The following FMNL2 variants were observed in gnomAD, a reference collection of about 807,000 sequenced individuals.
FMNL2 encodes formin like 2, also known as formin-like protein 2.
A neutral mutation model predicts 130.2 loss-of-function variants in FMNL2; 51 were observed. That is an observed-to-expected ratio of 0.39 (90% CI 0.31 to 0.49). The LOEUF is 0.49. Among genes scored for constraint, FMNL2 ranks in the 20% least tolerant of loss-of-function variants. FMNL2 has a pLI of 0.85. For missense variants in FMNL2, 977 were observed against 1,316.2 expected, an observed-to-expected ratio of 0.74 and a Z score of 3.99; for synonymous variants, 465 against 467.1, an observed-to-expected ratio of 1.00 and a Z score of 0.06.
intron 2 of FMNL2, among the ~76,000 whole-genome samples, chr2:152,529,997 G>A (rs1323873530): frequency 6.6e-6 from 1 of 152,144 alleles, no homozygotes; most frequent in Non-Finnish European, 1.5e-5. Context: ...GCTGTATTTT[G>A]CCAAAATGTA....
intron 1 of FMNL2, among the ~76,000 whole-genome samples, chr2:152,364,641 A>T (rs763047883): frequency 3.9e-5 from 6 of 152,206 alleles, no homozygotes; most frequent in Non-Finnish European, 8.8e-5. Context: ...GCAAAATGGT[A>T]AATTGTGCAA....
chr2:152,533,346 A>G (rs914080336), intron 2 of FMNL2, among the ~76,000 whole-genome samples: 3 of 151,926 alleles, frequency 2.0e-5, no homozygotes, highest in Non-Finnish European at 4.4e-5. Context: ...TTTACCTCCA[A>G]CTGTTTCAGC....
chr2:152,540,451 G>A (rs945790648), intron 2 of FMNL2, among the ~76,000 whole-genome samples: 4 of 152,006 alleles, frequency 2.6e-5, no homozygotes, highest in African/African-American at 9.7e-5. Flanking sequence ...AAAGTGTGCT[G>A]TTCTTTTTTT....
chr2:152,402,111 C>G (rs1685735423), intron 1 of FMNL2, among the ~76,000 whole-genome samples: 1 of 151,840 alleles, frequency 6.6e-6, no homozygotes, highest in African/African-American at 2.4e-5. Flanking sequence ...ACCATGTTAG[C>G]CAGGATGGTC....
At chr2:152,366,783 C>T (rs902857470) in intron 1 of FMNL2, among the ~76,000 whole-genome samples, 33 of 152,106 alleles carry the variant, frequency 2.2e-4, no homozygotes, top group Non-Finnish European at 4.1e-4. Context: ...CTGGGCAACA[C>T]GGTGAAACCC....
At chr2:152,372,873 T>C (rs924820238) in intron 1 of FMNL2, among the ~76,000 whole-genome samples, 1 of 152,224 alleles carries the variant, frequency 6.6e-6, no homozygotes, top group Non-Finnish European at 1.5e-5. Flanking sequence ...GAGAGGCACA[T>C]ACTGATTTGG....
intron 9 of FMNL2, among the ~76,000 whole-genome samples, chr2:152,586,755 G>A (rs140967151): frequency 1.2e-4 from 18 of 150,816 alleles, no homozygotes; most frequent in African/African-American, 3.2e-4. Flanking sequence ...GCATTAGGAA[G>A]CAAAGTCCTA....
At chr2:152,619,888 G>A (rs77653118) in intron 15 of FMNL2, among the ~76,000 whole-genome samples, 170 bp downstream of exon 15, 1 of 152,058 alleles carries the variant, frequency 6.6e-6, no homozygotes, top group East Asian at 1.9e-4. Flanking sequence ...TCACGCATGG[G>A]AGGCACTTTG....
intron 1 of FMNL2, among the ~76,000 whole-genome samples, chr2:152,371,067 C>A (rs1324014729): frequency 6.6e-6 from 1 of 152,196 alleles, no homozygotes; most frequent in Non-Finnish European, 1.5e-5. Flanking sequence ...AAAGGAGTTT[C>A]TACAGACTGC....
chr2:152,489,484 C>T (rs976625255), intron 1 of FMNL2, among the ~76,000 whole-genome samples: 1 of 152,160 alleles, frequency 6.6e-6, no homozygotes, highest in Admixed American at 6.5e-5. Context: ...GGGATTAGCT[C>T]AGGAAACGTT....
chr2:152,424,921 A>G (rs545234591), intron 1 of FMNL2, among the ~76,000 whole-genome samples: 12 of 152,346 alleles, frequency 7.9e-5, no homozygotes, highest in Middle Eastern at 3.4e-3. Context: ...TTAGTTGCCC[A>G]TAGGAACATT....
At chr2:152,466,712 G>A (rs1005059623) in intron 1 of FMNL2, among the ~76,000 whole-genome samples, 1 of 152,128 alleles carries the variant, frequency 6.6e-6, no homozygotes, top group African/African-American at 2.4e-5. Context: ...GGGAGAAGAC[G>A]GTGGCATATA....
intron 1 of FMNL2, among the ~76,000 whole-genome samples, chr2:152,476,574 G>A (rs1690163752): frequency 6.6e-6 from 1 of 152,164 alleles, no homozygotes; most frequent in Admixed American, 6.5e-5. Context: ...TCAGGAGGCT[G>A]AAGGGGGAAG....
intron 1 of FMNL2, among the ~76,000 whole-genome samples, chr2:152,345,407 A>C (rs1579439118): frequency 6.6e-6 from 1 of 152,314 alleles, no homozygotes; most frequent in Middle Eastern, 3.4e-3. Context: ...AACTAATAGC[A>C]GGAGAAGTTG....
intron 1 of FMNL2, among the ~76,000 whole-genome samples, chr2:152,472,924 G>A (rs765883026): frequency 1.3e-5 from 2 of 152,192 alleles, no homozygotes; most frequent in Admixed American, 6.5e-5. Flanking sequence ...TAAGGAACTC[G>A]TGAATACAAG....
At position 152,647,924 on chromosome 2, in the gene FMNL2, TG is replaced by T. The variant is rs760009660; in HGVS notation, c.*20del. ...AATGTGAACCTGAGACTGGCCTGCATGAATACAGGGTGTGCGTGAATGAAAC... is the reference window on the plus strand; with the variant it reads ...AATGTGAACCTGAGACTGGCCTGCATAATACAGGGTGTGCGTGAATGAAAC... On this transcript the variant is annotated 3_prime_UTR_variant, in exon 26 of 26. Coordinates refer to ENST00000288670, the MANE Select transcript of FMNL2 (RefSeq NM_052905.4). 5.0e-6 allele frequency: 8 copies of T among 1,597,970 alleles called. 1 individual carries two copies. The South Asian group carries it at 8.9e-5, about 18-fold the overall frequency.
intron 1 of FMNL2, chr2:152,390,743 G>C (rs1169471053): frequency 3.1e-6 from 2 of 644,702 alleles, no homozygotes; most frequent in African/African-American, 3.6e-5. Flanking sequence ...GTAGGCATGG[G>C]ACTGGCCTAG....
chr2:152,552,185 A>G (rs1426026579), intron 4 of FMNL2, among the ~76,000 whole-genome samples: 1 of 152,232 alleles, frequency 6.6e-6, no homozygotes, highest in Non-Finnish European at 1.5e-5. Flanking sequence ...TAACTTGTAA[A>G]TTCCTAATAA....
At chr2:152,368,866 T>A (rs558178464) in intron 1 of FMNL2, among the ~76,000 whole-genome samples, 1 of 152,296 alleles carries the variant, frequency 6.6e-6, no homozygotes, top group South Asian at 2.1e-4. Context: ...AAGGTCAGAC[T>A]TTTATCCACC....
Sources: gnomAD v4.1 joint callset for allele counts (sites outside exome capture counted in the v4.1 genomes callset) on GRCh38, gnomAD v4.1.1 for gene constraint, MANE v1.5 for transcripts, NCBI Gene and HGNC (gene_info 2026-07-23, HGNC 2026-07-21) for gene names.